ASPH: variants seen among roughly 807,000 people sequenced by gnomAD.
ASPH encodes the protein aspartyl/asparaginyl beta-hydroxylase.
Under a neutral mutation model 118.4 loss-of-function variants are expected in ASPH, and 100 were observed. The ratio of observed to expected loss-of-function variants is 0.84; its 90% CI spans 0.72 to 1.00. The LOEUF (loss-of-function observed/expected upper bound fraction) is 1.00. Ranked by LOEUF, ASPH falls within the 50% of genes least tolerant of loss-of-function variation. ASPH has a pLI of 0.00. For missense variants in ASPH, 920 were observed against 919.5 expected (o/e 1.00, Z -0.01); for synonymous variants, 315 against 325.6 (o/e 0.97, Z 0.35).
intron 24 of ASPH, among the ~76,000 whole-genome samples, chr8:61,508,797 T>C (rs1807652546): frequency 6.6e-6 from 1 of 152,188 alleles, no homozygotes; most frequent in South Asian, 2.1e-4. Flanking sequence ...TGAGGTGGCC[T>C]GCAAGGCATG....
intron 5 of ASPH, 130 bp from the exon 6 acceptor site, chr8:61,647,008 C>T: frequency 2.6e-6 from 3 of 1,172,248 alleles, no homozygotes; most frequent in Non-Finnish European, 1.2e-6. Context: ...CTGAAGACAC[C>T]ATTGTCCACT....
intron 21 of ASPH, among the ~76,000 whole-genome samples, chr8:61,546,949 A>G (rs1248368868): frequency 6.6e-6 from 1 of 152,242 alleles, no homozygotes; most frequent in African/African-American, 2.4e-5. Context: ...TGCTTCTTGC[A>G]CATGTAAAAT....
At chr8:61,642,328 T>C (rs1350736218) in intron 10 of ASPH, among the ~76,000 whole-genome samples, 1 of 152,208 alleles carries the variant, frequency 6.6e-6, no homozygotes, top group Non-Finnish European at 1.5e-5. Context: ...TATAAAGTAC[T>C]GAGATTGGTT....
intron 3 of ASPH, among the ~76,000 whole-genome samples, chr8:61,655,121 A>T (rs1003583904): frequency 6.6e-6 from 1 of 152,218 alleles, no homozygotes; most frequent in Non-Finnish European, 1.5e-5. Context: ...TCAGCACCTC[A>T]GCTAACACTT....
At chr8:61,714,157 T>C (rs2151948419) in intron 1 of ASPH, 112 bp downstream of exon 1, 3 of 1,265,018 alleles carry the variant, frequency 2.4e-6, no homozygotes, top group East Asian at 3.2e-5. Context: ...TCGCGGGGGA[T>C]GGAGGCGGCG....
At chr8:61,652,897 A>C (rs1417062478) in intron 4 of ASPH, among the ~76,000 whole-genome samples, 1 of 152,232 alleles carries the variant, frequency 6.6e-6, no homozygotes, top group Admixed American at 6.5e-5. Flanking sequence ...AAATCAGCCA[A>C]AGTACCATTT....
intron 14 of ASPH, among the ~76,000 whole-genome samples, chr8:61,616,291 G>A (rs1255510156): frequency 6.6e-6 from 1 of 152,200 alleles, no homozygotes; most frequent in Non-Finnish European, 1.5e-5. Flanking sequence ...TGCAGGGGAA[G>A]GTACGGGCTG....
chr8:61,585,141 A>G (rs1838998084), intron 14 of ASPH, among the ~76,000 whole-genome samples: 1 of 152,214 alleles, frequency 6.6e-6, no homozygotes, highest in South Asian at 2.1e-4. Flanking sequence ...TTGCTTACTT[A>G]GCAAACAGTT....
At chr8:61,565,456 T>G (rs1831368177) in intron 17 of ASPH, among the ~76,000 whole-genome samples, 1 of 152,148 alleles carries the variant, frequency 6.6e-6, no homozygotes, top group Non-Finnish European at 1.5e-5. Context: ...CTTAGGCAAA[T>G]TATACAAGCT....
chr8:61,610,404 C>T (rs965889565), intron 14 of ASPH, among the ~76,000 whole-genome samples: 1 of 152,200 alleles, frequency 6.6e-6, no homozygotes, highest in Non-Finnish European at 1.5e-5. Context: ...ATGATATATG[C>T]TGAGCTTATT....
In ASPH at chr8:61,692,240, T is replaced by C. The variant is rs895242896; in HGVS notation, c.104-8052A>G. 2.0e-5 allele frequency among the ~76,000 whole-genome samples: 3 copies of C among 152,222 alleles called. No individual in the cohort carries two copies. The East Asian group carries it at 5.8e-4, about 29-fold the overall frequency. The stretch of plus-strand genomic sequence containing the variant: ...CAGGAGAAAACCCTCTGAAATATCA[T>C]TTAATCTATCATAACACTTTTTAAA... On this transcript the variant is annotated intron_variant, in intron 1 of 24. Transcript: ENST00000379454.
intron 20 of ASPH, among the ~76,000 whole-genome samples, chr8:61,550,440 CAT>C (rs1320917316): frequency 3.4e-5 from 3 of 87,312 alleles, no homozygotes; most frequent in East Asian, 2.9e-4. Flanking sequence ...TGCACATGTA[CAT>C]ACACACACAC....
chr8:61,657,496 C>T (rs758179924), intron 3 of ASPH: 2 of 152,164 alleles, frequency 1.3e-5, no homozygotes, highest in Non-Finnish European at 2.9e-5. Context: ...AATTGTAACA[C>T]AAAGTGTTTG....
chr8:61,501,304 C>CAATT lies in ASPH; in HGVS notation c.*2051_*2054dup, dbSNP rs746421878. On this transcript the variant is annotated 3_prime_UTR_variant, in exon 25 of 25. Coordinates refer to ENST00000379454, the MANE Select transcript of ASPH (RefSeq NM_004318.4). ...CAAGTATTTACAATGCTATTGGAGT[C>CAATT]AATTATTGACAACACTTTGCAACAG... 6 of 152,248 alleles carry CAATT rather than the reference C, an allele frequency of 3.9e-5. No homozygotes were observed. The highest frequency in any genetic ancestry group is 8.8e-5 in the Non-Finnish European group (6 of 67,976). The allele number at this position is 152,248 out of a possible 1,614,324, so 9.4% of individuals were successfully genotyped here.
intron 1 of ASPH, among the ~76,000 whole-genome samples, chr8:61,707,690 TAGG>T (rs1837031145): frequency 1.3e-5 from 2 of 152,120 alleles, no homozygotes; most frequent in Non-Finnish European, 2.9e-5. Flanking sequence ...TGGCCTGCGA[TAGG>T]ATGGCTAAAT....
chr8:61,633,507 G>T, intron 13 of ASPH, 176 bp downstream of exon 13: 1 of 501,402 alleles, frequency 2.0e-6, no homozygotes, highest in Non-Finnish European at 3.6e-6. Context: ...TGAATCTGAT[G>T]TGCATTTTCC....
chr8:61,535,806 G>A (rs945876660), intron 21 of ASPH, among the ~76,000 whole-genome samples: 1 of 152,198 alleles, frequency 6.6e-6, no homozygotes, highest in African/African-American at 2.4e-5. Context: ...ATCTGCCTTA[G>A]AAACAACATC....
At chr8:61,663,775 C>T in intron 3 of ASPH, 1 of 975,706 alleles carries the variant, frequency 1.0e-6, no homozygotes, top group South Asian at 4.7e-5. Flanking sequence ...TCTAGGATTT[C>T]TTCTCTGTTG....
At chr8:61,619,110 G>A in intron 13 of ASPH, 91 bp from the exon 14 acceptor site, 1 of 914,282 alleles carries the variant, frequency 1.1e-6, no homozygotes, top group East Asian at 2.8e-5. Flanking sequence ...AATTCAATAA[G>A]TATAATCAAA....
Sources: gnomAD v4.1 joint callset for allele counts (sites outside exome capture counted in the v4.1 genomes callset) on GRCh38, gnomAD v4.1.1 for gene constraint, MANE v1.5 for transcripts, NCBI Gene and HGNC (gene_info 2026-07-23, HGNC 2026-07-21) for gene names.